The following TLR3 variants were observed in gnomAD, a reference collection of about 807,000 sequenced individuals.
TLR3 encodes the protein toll like receptor 3, also known as toll-like receptor 3.
In TLR3, 43 loss-of-function variants were observed where a neutral mutation model predicts 66.4. That is an observed-to-expected ratio of 0.65 (90% CI 0.51 to 0.83). The LOEUF (loss-of-function observed/expected upper bound fraction) is 0.83. Among genes scored for constraint, TLR3 ranks in the 40% least tolerant of loss-of-function variants. TLR3 has a pLI of 0.00. For synonymous variants in TLR3, 397 were observed against 397.2 expected (o/e 1.00, Z 0.01); for missense variants, 982 against 1,044.6 (o/e 0.94, Z 0.83).
At chr4:186,082,130 CAGG>C (rs1190388394) in intron 3 of TLR3, 187 bp from the exon 4 acceptor site, 1 of 592,300 alleles carries the variant, frequency 1.7e-6, no homozygotes, top group African/African-American at 2.0e-5. Flanking sequence ...GAGGCTGAGG[CAGG>C]AGAATTGCTT....
chr4:186,080,058 C>T (rs1200300234), intron 3 of TLR3, among the ~76,000 whole-genome samples: 1 of 152,172 alleles, frequency 6.6e-6, no homozygotes. Flanking sequence ...CTTTTGCTTT[C>T]TCTCGGTCCC....
rs2099304134 is a variant in TLR3 at position 186,084,975 on chromosome 4, A to G, written c.*102A>G. 6.4e-5 allele frequency: 57 copies of G among 892,764 alleles called. 2 individuals are homozygous for G. The South Asian group carries it at 8.4e-4, about 13-fold the overall frequency. The allele number at this position is 892,764 out of a possible 1,614,324, so 55.3% of individuals were successfully genotyped here. On this transcript the variant is annotated 3_prime_UTR_variant, in exon 5 of 5. Transcript: ENST00000296795. The stretch of plus-strand genomic sequence containing the variant: ...TAAAGGTGTTATAATTTGTTTATTC[A>G]TATTTGTAAATGATTATATTCTATC...
intron 1 of TLR3, among the ~76,000 whole-genome samples, chr4:186,074,328 C>T (rs976917533): frequency 3.3e-5 from 5 of 152,340 alleles, no homozygotes; most frequent in Non-Finnish European, 5.9e-5. Flanking sequence ...CCTGCAAAAC[C>T]AGACAGCCGG....
At chr4:186,076,591 T>G in intron 1 of TLR3, 22 bp from the exon 2 acceptor site, 1 of 1,612,068 alleles carries the variant, frequency 6.2e-7, no homozygotes. Context: ...TGCTCATACT[T>G]TTTAATGTTT....
intron 3 of TLR3, among the ~76,000 whole-genome samples, chr4:186,081,302 C>T (rs1431300964): frequency 7.9e-5 from 12 of 151,496 alleles, no homozygotes; most frequent in Non-Finnish European, 1.5e-5. Context: ...AATCAGAGCC[C>T]TTTACTCCTC....
Position 186,082,468 on chromosome 4 carries a change from C to T in TLR3, c.782C>T (p.Ser261Phe). 6 of 1,614,126 alleles carry T rather than the reference C, an allele frequency of 3.7e-6. No homozygotes were observed. The highest frequency in any genetic ancestry group is 5.1e-6 in the Non-Finnish European group (6 of 1,180,026). ...RNLSLSNSQLSTTSNTTFLGL... is the reference protein window; with the variant it reads ...RNLSLSNSQLFTTSNTTFLGL... ...CTGTCTCTGAGTAACAGCCAGCTGT[C>T]CACCACCAGCAATACAACTTTCTTG... Residue 261 changes from serine (S) to phenylalanine (F), a missense_variant, in exon 4 of 5, where the codon TCC becomes TTC. Physicochemically the swap from Ser to Phe is radical, Grantham distance 155 (BLOSUM62 -2). This residue lies in a region of TLR3 where 313 missense variants were observed against 319.0 expected (regional missense o/e 0.98). Coordinates refer to ENST00000296795, the MANE Select transcript of TLR3 (RefSeq NM_003265.3).
At chr4:186,082,224 CAAAAAAAAAAAA>C (rs549369747) in intron 3 of TLR3, 84 bp from the exon 4 acceptor site, 858 of 381,380 alleles carry the variant, frequency 2.2e-3, no homozygotes, top group African/African-American at 0.017. Context: ...GACTCCGTCT[CAAAAAAAAAAAA>C]AAAAAAAAAA....
intron 3 of TLR3, among the ~76,000 whole-genome samples, chr4:186,080,831 C>G (rs1205641426): frequency 6.6e-6 from 1 of 152,010 alleles, no homozygotes; most frequent in Non-Finnish European, 1.5e-5. Context: ...ACTTCATGAT[C>G]CACCTCCACC....
rs1273144349 is a variant in TLR3 at position 186,083,517 on chromosome 4, T to C, written c.1831T>C (p.Ser611Pro). The change falls in exon 4 of 5, where the codon TCT becomes CCT. Residue 611 changes from serine to proline, a missense_variant. Ser to Pro is a moderately conservative substitution (Grantham distance 74). Coordinates refer to ENST00000296795, the MANE Select transcript of TLR3 (RefSeq NM_003265.3). This position sits in a 1 kb window ranked among gnomAD's most constrained non-coding sequence, Gnocchi z 4.0. ...AGCATCTGTCTTTAATAATCAGGTGTCTCTAAAGTCATTGAACCTTCAGAA... is the reference window on the plus strand; with the variant it reads ...AGCATCTGTCTTTAATAATCAGGTGCCTCTAAAGTCATTGAACCTTCAGAA... ...LPASVFNNQV[S>P]LKSLNLQKNL... The C allele has an allele frequency of 4.4e-6, 7 of 1,608,226 alleles. No homozygotes were observed. The highest frequency in any genetic ancestry group is 5.9e-6 in the Non-Finnish European group (7 of 1,177,508).
In TLR3 at chr4:186,085,246, G is replaced by C; in HGVS notation, c.*373G>C. On this transcript the variant is annotated 3_prime_UTR_variant, in exon 5 of 5. Transcript: ENST00000296795. Reference sequence around the variant, plus strand: ...TATTTTGGATGCACTTAGAATGAAAGATAATTGTTTCAATGGGTATAATGC... The same window carrying C: ...TATTTTGGATGCACTTAGAATGAAACATAATTGTTTCAATGGGTATAATGC... 4.5e-6 allele frequency: 1 copy of C among 222,970 alleles called. No individual in the cohort carries two copies. The highest frequency in any genetic ancestry group is 7.1e-5 in the South Asian group (1 of 13,996). 13.8% of individuals were successfully genotyped at this position (222,970 alleles called of 1,614,324 possible). A position where few individuals can be genotyped will look rare whatever the true frequency, so the allele number is the denominator to read the frequency against.
At chr4:186,081,976 C>T (rs1443806955) in intron 3 of TLR3, 1 of 306,208 alleles carries the variant, frequency 3.3e-6, no homozygotes, top group East Asian at 8.4e-5. Context: ...CCTATAATCC[C>T]AGCACTTTGG....
In TLR3 at chr4:186,076,660, T is replaced by C. The variant is rs746264502; in HGVS notation, c.41T>C (p.Leu14Pro). 1.1e-5 allele frequency: 17 copies of C among 1,613,986 alleles called. No homozygotes were observed. The African/African-American group carries it at 2.1e-4, about 20-fold the overall frequency. ...CCTTGTATCTACTTTTGGGGGGGCC[T>C]TTTGCCCTTTGGGATGCTGTGTGCA... ...TLPCIYFWGGLLPFGMLCASS... is the reference protein window; with the variant it reads ...TLPCIYFWGGPLPFGMLCASS... Residue 14 changes from leucine (L) to proline (P), a missense_variant, in exon 2 of 5, where the codon CTT becomes CCT. Leu to Pro is a moderately conservative substitution (Grantham distance 98, BLOSUM62 -3). Around this residue, in one of 3 missense-constraint regions of TLR3, gnomAD observed 313 missense variants for 319.0 expected, o/e 0.98. Coordinates refer to ENST00000296795, the MANE Select transcript of TLR3 (RefSeq NM_003265.3).
Position 186,087,287 on chromosome 4 carries a change from G to T in TLR3, c.*2414G>T, listed in dbSNP as rs1344135253. On this transcript the variant is annotated 3_prime_UTR_variant, in exon 5 of 5. Coordinates refer to ENST00000296795, the MANE Select transcript of TLR3 (RefSeq NM_003265.3). ...GATGCACAGGTAATGACCTCTAAAT[G>T]AATGCCAATAAAAATAGTAAAAGGT... 1.3e-5 allele frequency: 2 copies of T among 152,164 alleles called. No individual in the cohort carries two copies. The highest frequency in any genetic ancestry group is 3.8e-4 in the East Asian group (2 of 5,202). The allele number at this position is 152,164 out of a possible 1,614,324, so 9.4% of individuals were successfully genotyped here. A position where few individuals can be genotyped will look rare whatever the true frequency, so the allele number is the denominator to read the frequency against.
At chr4:186,072,174 T>C (rs1280684278) in intron 1 of TLR3, among the ~76,000 whole-genome samples, 1 of 152,222 alleles carries the variant, frequency 6.6e-6, no homozygotes, top group Admixed American at 6.5e-5. Context: ...GCAGGCAGCA[T>C]AGCAGCCTCT....
chr4:186,082,831 A>C lies in TLR3; in HGVS notation c.1145A>C (p.Lys382Thr). The C allele has an allele frequency of 1.2e-6, 2 of 1,613,996 alleles. No individual in the cohort carries two copies. Among genetic ancestry groups the C allele is most frequent in the South Asian group, 2.2e-5 (2 of 91,048 alleles). Residue 382 changes from lysine to threonine, a missense_variant, in exon 4 of 5, where the codon AAA becomes ACA. Around this residue, in one of 3 missense-constraint regions of TLR3, gnomAD observed 666 missense variants for 709.0 expected, o/e 0.94. Transcript: ENST00000296795. ...SNMFTGLINLKYLSLSNSFTS... is the reference protein window; with the variant it reads ...SNMFTGLINLTYLSLSNSFTS... ...ATGTTCACAGGATTGATAAACCTGA[A>C]ATACTTAAGTCTATCCAACTCCTTT...
chr4:186,072,536 C>G (rs1037915496), intron 1 of TLR3, among the ~76,000 whole-genome samples: 2 of 152,234 alleles, frequency 1.3e-5, no homozygotes, highest in Non-Finnish European at 2.9e-5. Flanking sequence ...GTCTCAAACT[C>G]CTGACCTCAG....
At position 186,072,604 on chromosome 4, in the gene TLR3, C is replaced by T. The variant is rs115279812; in HGVS notation, c.-8+3356C>T. On this transcript the variant is annotated intron_variant, in intron 1 of 4. Coordinates refer to ENST00000296795, the MANE Select transcript of TLR3 (RefSeq NM_003265.3). ...GGGTTACAGGCGTGAGCCACTGCGC[C>T]CAACCACCACACACTTTTAAACGAC... Among the ~76,000 whole-genome samples the T allele has an allele frequency of 7.0e-3, 1,063 of 152,288 alleles. 12 individuals are homozygous for T. Among genetic ancestry groups the T allele is most frequent in the African/African-American group, 0.024 (996 of 41,560 alleles).
At chr4:186,079,378 C>T (rs2099303029) in intron 3 of TLR3, among the ~76,000 whole-genome samples, 1 of 152,186 alleles carries the variant, frequency 6.6e-6, no homozygotes, top group African/African-American at 2.4e-5. Flanking sequence ...GTACGATGGT[C>T]AAGAGCCCCA....
At chr4:186,081,203 G>A (rs139031130) in intron 3 of TLR3, among the ~76,000 whole-genome samples, 4 of 151,442 alleles carry the variant, frequency 2.6e-5, no homozygotes, top group East Asian at 2.0e-4. Flanking sequence ...CAGGAGGCAA[G>A]GGTTGCAGGG....
Sources: gnomAD v4.1 joint callset for allele counts (sites outside exome capture counted in the v4.1 genomes callset) on GRCh38, gnomAD v4.1.1 for gene constraint, gnomAD v4.1.1 regional missense constraint, Gnocchi (gnomAD v3.1) non-coding constraint, MANE v1.5 for transcripts, NCBI Gene and HGNC (gene_info 2026-07-23, HGNC 2026-07-21) for gene names.